GMDS: variants seen among roughly 807,000 people sequenced by gnomAD.
GMDS encodes GDP-mannose 4,6 dehydratase.
Under a neutral mutation model 49.9 loss-of-function variants are expected in GMDS, and 20 were observed. The observed-to-expected ratio is 0.40, with a 90% CI of 0.28 to 0.58. The LOEUF is 0.58. GMDS is among the 20% of genes least tolerant of loss of function. GMDS has a pLI of 0.42. For synonymous variants in GMDS, 177 were observed against 178.6 expected (o/e 0.99, Z 0.07); for missense variants, 362 against 481.4 (o/e 0.75, Z 2.32).
chr6:1,699,196 CAG>C (rs1289291128), intron 9 of GMDS, among the ~76,000 whole-genome samples: 1 of 152,022 alleles, frequency 6.6e-6, no homozygotes. Flanking sequence ...AGACACAAGA[CAG>C]AGAGGAAGAC....
intron 4 of GMDS, among the ~76,000 whole-genome samples, chr6:1,993,453 C>T (rs959400613): frequency 1.3e-5 from 2 of 152,168 alleles, no homozygotes; most frequent in African/African-American, 2.4e-5. Context: ...ATGGACAACA[C>T]CTCTGCAGAG....
At chr6:1,904,102 A>G (rs1198013856) in intron 7 of GMDS, among the ~76,000 whole-genome samples, 1 of 152,212 alleles carries the variant, frequency 6.6e-6, no homozygotes, top group East Asian at 1.9e-4. Flanking sequence ...ATGTCAGGAC[A>G]GGCCCTCCAG....
At chr6:1,697,870 C>G (rs1765397855) in intron 9 of GMDS, among the ~76,000 whole-genome samples, 2 of 152,352 alleles carry the variant, frequency 1.3e-5, no homozygotes, top group South Asian at 4.1e-4. Flanking sequence ...ATTGCTCAAA[C>G]TGAACGGGGA....
chr6:1,691,355 G>A (rs925320631), intron 9 of GMDS, among the ~76,000 whole-genome samples: 6 of 152,012 alleles, frequency 3.9e-5, no homozygotes, highest in African/African-American at 1.4e-4. Flanking sequence ...GGGGCCTGTT[G>A]CGGGGGGTGT....
chr6:1,912,486 T>C (rs9503044), intron 7 of GMDS, among the ~76,000 whole-genome samples: 3,947 of 152,222 alleles, frequency 0.026, 155 homozygotes, highest in African/African-American at 0.087. Context: ...CACAGTAAAA[T>C]TTGAAAGCTT....
chr6:2,058,945 G>A (rs187736453), intron 4 of GMDS, among the ~76,000 whole-genome samples: 12 of 152,196 alleles, frequency 7.9e-5, no homozygotes, highest in African/African-American at 2.9e-4. Context: ...GGGGGCCAAG[G>A]TGAGCAGATT....
intron 9 of GMDS, among the ~76,000 whole-genome samples, chr6:1,706,704 T>C (rs76905949): frequency 0.04 from 6,140 of 152,322 alleles, 404 homozygotes; most frequent in African/African-American, 0.14. Flanking sequence ...TGCTCACCTG[T>C]GTGTAGGTTT....
chr6:2,208,695 G>A (rs1176230709), intron 1 of GMDS, among the ~76,000 whole-genome samples: 1 of 152,122 alleles, frequency 6.6e-6, no homozygotes, highest in Non-Finnish European at 1.5e-5. Flanking sequence ...ATACCCGAAG[G>A]AAAGTAAAAG....
intron 1 of GMDS, among the ~76,000 whole-genome samples, chr6:2,162,659 A>AAAACAC (rs1777458444): frequency 7.4e-6 from 1 of 135,728 alleles, no homozygotes; most frequent in Non-Finnish European, 1.6e-5. Context: ...ATAACATTCC[A>AAAACAC]ACACACACAC....
intron 4 of GMDS, among the ~76,000 whole-genome samples, chr6:2,099,864 C>A (rs576263198): frequency 6.6e-6 from 1 of 151,980 alleles, no homozygotes; most frequent in African/African-American, 2.4e-5. Context: ...AGAAACTGAA[C>A]TTTTCATCCT....
At chr6:2,038,754 T>TG (rs992023956) in intron 4 of GMDS, among the ~76,000 whole-genome samples, 11 of 152,192 alleles carry the variant, frequency 7.2e-5, no homozygotes, top group Non-Finnish European at 1.3e-4. Context: ...AAATGAAATT[T>TG]GAAGTTAAAA....
At chr6:1,958,006 A>G (rs1349623652) in intron 6 of GMDS, among the ~76,000 whole-genome samples, 1 of 151,416 alleles carries the variant, frequency 6.6e-6, no homozygotes, top group Non-Finnish European at 1.5e-5. Flanking sequence ...GGATCTTACT[A>G]TGTTGCCCAG....
chr6:1,885,295 T>C (rs546241132), intron 7 of GMDS, among the ~76,000 whole-genome samples: 1 of 152,340 alleles, frequency 6.6e-6, no homozygotes, highest in African/African-American at 2.4e-5. Context: ...ATTTCTCATT[T>C]TGAAGTTGAA....
chr6:1,648,008 C>T (rs1396007502), intron 9 of GMDS, among the ~76,000 whole-genome samples: 2 of 152,138 alleles, frequency 1.3e-5, no homozygotes. Context: ...AGGGGCTTCT[C>T]GACGGTAAAG....
At chr6:1,774,607 C>T (rs996159035) in intron 7 of GMDS, among the ~76,000 whole-genome samples, 2 of 152,228 alleles carry the variant, frequency 1.3e-5, no homozygotes, top group African/African-American at 2.4e-5. Flanking sequence ...TGCACACACT[C>T]GTCCTTCTGT....
At chr6:2,179,894 T>A (rs967163377) in intron 1 of GMDS, among the ~76,000 whole-genome samples, 1 of 144,854 alleles carries the variant, frequency 6.9e-6, no homozygotes, top group African/African-American at 2.6e-5. Context: ...CTCATCTATC[T>A]CAAAACACCC....
chr6:1,777,556 C>G (rs1561797634), intron 7 of GMDS, among the ~76,000 whole-genome samples: 1 of 152,222 alleles, frequency 6.6e-6, no homozygotes, highest in Non-Finnish European at 1.5e-5. Flanking sequence ...TACACCATCA[C>G]TCTGAAAAGA....
intron 1 of GMDS, among the ~76,000 whole-genome samples, chr6:2,194,921 T>C (rs952904320): frequency 1.3e-5 from 2 of 152,254 alleles, no homozygotes; most frequent in Non-Finnish European, 2.9e-5. Flanking sequence ...ACAGTAGTGA[T>C]GTTCCGTGAA....
intron 1 of GMDS, among the ~76,000 whole-genome samples, chr6:2,158,224 T>C: frequency 6.6e-6 from 1 of 152,272 alleles, no homozygotes; most frequent in East Asian, 1.9e-4. Flanking sequence ...GCTATATACA[T>C]ATATACATAC....
Sources: gnomAD v4.1 joint callset for allele counts (sites outside exome capture counted in the v4.1 genomes callset) on GRCh38, gnomAD v4.1.1 for gene constraint, MANE v1.5 for transcripts, NCBI Gene and HGNC (gene_info 2026-07-23, HGNC 2026-07-21) for gene names.